The following PDE2A variants were observed in gnomAD, a reference collection of about 807,000 sequenced individuals.
PDE2A encodes the protein phosphodiesterase 2A, also known as cGMP-dependent 3',5'-cyclic phosphodiesterase.
Under a neutral mutation model 133.6 loss-of-function variants are expected in PDE2A, and 53 were observed. That is an observed-to-expected ratio of 0.40 (90% CI 0.32 to 0.50). The LOEUF (loss-of-function observed/expected upper bound fraction) is 0.50, where lower values mean the gene tolerates loss of function less well. PDE2A is among the 20% of genes least tolerant of loss of function. PDE2A has a pLI of 0.73. For missense variants in PDE2A, 796 were observed against 1,232.4 expected (o/e 0.65, Z 5.30); for synonymous variants, 491 against 490.2 (o/e 1.00, Z -0.02).
intron 2 of PDE2A, among the ~76,000 whole-genome samples, chr11:72,626,177 C>A (rs1362761831): frequency 6.6e-6 from 1 of 152,262 alleles, no homozygotes; most frequent in African/African-American, 2.4e-5. Flanking sequence ...TTTATGCCTC[C>A]TCCTTTAGAC....
At chr11:72,620,791 G>T (rs1426811975) in intron 2 of PDE2A, among the ~76,000 whole-genome samples, 1 of 151,994 alleles carries the variant, frequency 6.6e-6, no homozygotes, top group Non-Finnish European at 1.5e-5. Flanking sequence ...GGTAAGGACG[G>T]CAGGGGAGAG....
At position 72,580,553 on chromosome 11, in the gene PDE2A, C is replaced by T. The variant is rs757827538; in HGVS notation, c.2181+24G>A. 1.2e-4 allele frequency: 178 copies of T among 1,544,086 alleles called. 1 individual carries two copies. In the South Asian group the frequency reaches 1.2e-3, roughly 10 times the overall value. ...CACTGGCCTTAAAGGGGAAGAAGGA[C>T]GGGGTGGGACAGAAGAGTGATACCT... On this transcript the variant is annotated intron_variant, in intron 25 of 30. Coordinates refer to ENST00000334456, the MANE Select transcript of PDE2A (RefSeq NM_002599.5).
At position 72,579,316 on chromosome 11, in the gene PDE2A, C is replaced by A; in HGVS notation, c.2324G>T (p.Arg775Leu). The A allele has an allele frequency of 6.2e-7, 1 of 1,613,640 alleles. No individual in the cohort carries two copies. The highest frequency in any genetic ancestry group is 8.5e-7 in the Non-Finnish European group (1 of 1,179,716). ...ILATDLAHHL[R>L]IFKDLQKMAE... The stretch of plus-strand genomic sequence containing the variant: ...CATCTTCTGGAGGTCCTTGAAGATG[C>A]GGAGATGGTGGGCCAGGTCTGTGGC... Residue 775 changes from arginine (R) to leucine (L), a missense_variant, in exon 27 of 31, where the codon CGC becomes CTC. This residue lies in a region of PDE2A where 218 missense variants were observed against 465.9 expected (regional missense o/e 0.47). Coordinates refer to ENST00000334456, the MANE Select transcript of PDE2A (RefSeq NM_002599.5).
chr11:72,594,020 G>A (rs1856368227), intron 6 of PDE2A, among the ~76,000 whole-genome samples: 1 of 152,188 alleles, frequency 6.6e-6, no homozygotes, highest in Non-Finnish European at 1.5e-5. Context: ...CCAAGTAGCT[G>A]GGGTTATGCT....
At position 72,583,337 on chromosome 11, in the gene PDE2A, C is replaced by A. The variant is rs761508225; in HGVS notation, c.1728+101G>T. 37 of 848,506 alleles carry A rather than the reference C, an allele frequency of 4.4e-5. No homozygotes were observed. The East Asian group carries it at 8.5e-4, about 19-fold the overall frequency. 52.6% of individuals were successfully genotyped at this position (848,506 alleles called of 1,614,324 possible). A position where few individuals can be genotyped will look rare whatever the true frequency, so the allele number is the denominator to read the frequency against. On this transcript the variant is annotated intron_variant, in intron 20 of 30. Transcript: ENST00000334456. The stretch of plus-strand genomic sequence containing the variant: ...GCAGGAGGCCTGCTGTGGCTCTGGG[C>A]CTATCCTCTCATCCTCAGTAGAGAT...
chr11:72,578,595 GA>G lies in PDE2A; in HGVS notation c.2470-82del. ...CCTCTGACAGCCCGTTCCCAGGAGA[GA>G]AAACTGAGGCCCAGGGATTCAGTCC... On this transcript the variant is annotated intron_variant, in intron 28 of 30. Coordinates refer to ENST00000334456, the MANE Select transcript of PDE2A (RefSeq NM_002599.5). The surrounding 1 kb of genome is among the most constrained non-coding windows in gnomAD (Gnocchi z 4.2). 2 of 1,212,742 alleles carry G rather than the reference GA, an allele frequency of 1.6e-6. No homozygotes were observed. The highest frequency in any genetic ancestry group is 1.2e-6 in the Non-Finnish European group (1 of 818,014). 75.1% of individuals were successfully genotyped at this position (1,212,742 alleles called of 1,614,324 possible).
At chr11:72,647,520 C>A (rs1033565799) in intron 1 of PDE2A, among the ~76,000 whole-genome samples, 1 of 152,256 alleles carries the variant, frequency 6.6e-6, no homozygotes, top group Non-Finnish European at 1.5e-5. Context: ...AGGGCTGGAT[C>A]CTGGTATTGG....
chr11:72,663,739 AAAAG>A (rs1228865451), intron 1 of PDE2A, among the ~76,000 whole-genome samples: 1 of 151,932 alleles, frequency 6.6e-6, no homozygotes, highest in Non-Finnish European at 1.5e-5. Context: ...AAAAAAAAAA[AAAAG>A]AAAGAAAAAA....
At chr11:72,629,420 T>G (rs1858258834) in intron 2 of PDE2A, among the ~76,000 whole-genome samples, 1 of 152,238 alleles carries the variant, frequency 6.6e-6, no homozygotes, top group South Asian at 2.1e-4. Context: ...ACAAATCCAG[T>G]CTTTCCTGGC....
At chr11:72,639,522 AC>A (rs1858860976) in intron 2 of PDE2A, among the ~76,000 whole-genome samples, 1 of 152,058 alleles carries the variant, frequency 6.6e-6, no homozygotes, top group Non-Finnish European at 1.5e-5. Flanking sequence ...CACCAAAGAC[AC>A]CACCCAGGCC....
chr11:72,655,489 CTG>C (rs35845757), intron 1 of PDE2A, among the ~76,000 whole-genome samples: 21,806 of 151,574 alleles, frequency 0.14, 1,693 homozygotes, highest in South Asian at 0.23. Context: ...AAGTGAGTGC[CTG>C]TGTGTGTGTG....
At chr11:72,601,310 A>C (rs1299155484) in intron 4 of PDE2A, among the ~76,000 whole-genome samples, 4 of 45,546 alleles carry the variant, frequency 8.8e-5, no homozygotes, top group Admixed American at 2.4e-4. Flanking sequence ...GAGGCTGCCC[A>C]CTGTCACTGG....
At chr11:72,619,498 A>G (rs1857641515) in intron 2 of PDE2A, among the ~76,000 whole-genome samples, 1 of 152,118 alleles carries the variant, frequency 6.6e-6, no homozygotes, top group Non-Finnish European at 1.5e-5. Context: ...TGTAACCCAC[A>G]TGGGTCGTGA....
chr11:72,670,756 G>A (rs1246350717), intron 1 of PDE2A, among the ~76,000 whole-genome samples: 2 of 152,162 alleles, frequency 1.3e-5, no homozygotes, highest in Non-Finnish European at 2.9e-5. Context: ...AGTGACACAG[G>A]ACGGAGAAAG....
At chr11:72,623,060 A>G (rs1857858895) in intron 2 of PDE2A, among the ~76,000 whole-genome samples, 1 of 152,026 alleles carries the variant, frequency 6.6e-6, no homozygotes. Flanking sequence ...TCCAGCGATC[A>G]TGTCCTTCTC....
chr11:72,650,167 G>A (rs1053500332), intron 1 of PDE2A, among the ~76,000 whole-genome samples: 13 of 151,896 alleles, frequency 8.6e-5, no homozygotes, highest in Admixed American at 2.6e-4. Context: ...GATTACAGGC[G>A]CCTGCCATTA....
At position 72,577,613 on chromosome 11, in the gene PDE2A, CAGAGGGCG is replaced by C. The variant is rs772671272; in HGVS notation, c.2616-27_2616-20del. The C allele has an allele frequency of 1.9e-6, 3 of 1,572,946 alleles. No individual in the cohort carries two copies. Among genetic ancestry groups the C allele is most frequent in the Middle Eastern group, 1.9e-4 (1 of 5,178 alleles). ...CAACAGCCTGCGGGTGCATGGGGGG[CAGAGGGCG>C]AGAGGCCAGAAATCAGACCATGGGC... On this transcript the variant is annotated intron_variant, in intron 30 of 30. Transcript: ENST00000334456.
intron 3 of PDE2A, 78 bp from the exon 4 acceptor site, chr11:72,605,304 G>T: frequency 1.4e-6 from 1 of 691,418 alleles, no homozygotes. Context: ...ACAGGGGTCT[G>T]TGGGGCAAGG....
intron 4 of PDE2A, among the ~76,000 whole-genome samples, chr11:72,600,044 G>A (rs907338438): frequency 6.6e-6 from 1 of 152,234 alleles, no homozygotes; most frequent in Non-Finnish European, 1.5e-5. Flanking sequence ...AGGCTTGGAG[G>A]CGAGAAGATT....
Sources: gnomAD v4.1 joint callset for allele counts (sites outside exome capture counted in the v4.1 genomes callset) on GRCh38, gnomAD v4.1.1 for gene constraint, gnomAD v4.1.1 regional missense constraint, Gnocchi (gnomAD v3.1) non-coding constraint, MANE v1.5 for transcripts, NCBI Gene and HGNC (gene_info 2026-07-23, HGNC 2026-07-21) for gene names.